The following ADAMTS7 variants were observed in gnomAD, a reference collection of about 807,000 sequenced individuals.
ADAMTS7 encodes the protein A disintegrin and metalloproteinase with thrombospondin motifs 7.
Under a neutral mutation model 172.6 loss-of-function variants are expected in ADAMTS7, and 89 were observed. That is an observed-to-expected ratio of 0.52 (90% CI 0.43 to 0.61). ADAMTS7 has a LOEUF of 0.61. Ranked by LOEUF, ADAMTS7 falls within the 20% of genes least tolerant of loss-of-function variation. The probability of loss-of-function intolerance (pLI) is 0.00; values close to 1 mark genes in which losing one functional copy is unlikely to be tolerated. For missense variants in ADAMTS7, 1,973 were observed against 2,355.6 expected (o/e 0.84, Z 3.36); for synonymous variants, 885 against 978.4 (o/e 0.90, Z 1.78).
intron 11 of ADAMTS7, 103 bp from the exon 12 acceptor site, chr15:78,774,896 T>C: frequency 7.2e-7 from 1 of 1,386,806 alleles, no homozygotes; most frequent in Admixed American, 2.5e-5. Flanking sequence ...CACCCCGAGA[T>C]CCCTGCTGCC....
rs2055651328 is a variant in ADAMTS7 at position 78,796,785 on chromosome 15, C to T, written c.624G>A (p.Val208=). The T allele has an allele frequency of 3.1e-6, 5 of 1,607,088 alleles. No homozygotes were observed. The highest frequency in any genetic ancestry group is 4.2e-6 in the Non-Finnish European group (5 of 1,178,700). The part of the protein sequence containing the change: ...SSAPSTCGVQ[V]YPELESRRER... ...CCCGTCGAGACTCCAGCTCTGGGTACACTGGAGGCCCAGATGGGGTGGAGT... is the reference window on the plus strand; with the variant it reads ...CCCGTCGAGACTCCAGCTCTGGGTATACTGGAGGCCCAGATGGGGTGGAGT... The change falls in exon 4 of 24, where the codon GTG becomes GTA. Residue 208 remains valine (V), a splice_region_variant and synonymous_variant. Coordinates refer to ENST00000388820, the MANE Select transcript of ADAMTS7 (RefSeq NM_014272.5).
At chr15:78,794,799 C>A (rs1234090199) in intron 4 of ADAMTS7, among the ~76,000 whole-genome samples, 1 of 152,196 alleles carries the variant, frequency 6.6e-6, no homozygotes, top group Non-Finnish European at 1.5e-5. Flanking sequence ...CTCACTGCAA[C>A]CTTCGCCTCC....
chr15:78,767,141 G>A (rs532278291), intron 18 of ADAMTS7, 90 bp from the exon 19 acceptor site: 11 of 1,377,528 alleles, frequency 8.0e-6, no homozygotes, highest in African/African-American at 2.9e-5. Flanking sequence ...TCCACTGCCC[G>A]ATGTCAGAGT....
chr15:78,772,776 C>T (rs374071042), intron 14 of ADAMTS7, among the ~76,000 whole-genome samples: 194 of 152,388 alleles, frequency 1.3e-3, no homozygotes, highest in Admixed American at 2.3e-3. Context: ...GGTGAGGACA[C>T]GGAGCTGGGG....
At chr15:78,763,665 C>G (rs1378405314) in intron 22 of ADAMTS7, 34 bp downstream of exon 22, 1 of 1,508,172 alleles carries the variant, frequency 6.6e-7, no homozygotes, top group African/African-American at 1.4e-5. Context: ...CCACCAAGCA[C>G]TTGCTCCCTG....
chr15:78,796,205 G>A (rs1213375436), intron 4 of ADAMTS7, among the ~76,000 whole-genome samples: 2 of 152,172 alleles, frequency 1.3e-5, no homozygotes, highest in Non-Finnish European at 2.9e-5. Flanking sequence ...AGGCATTTCT[G>A]TGTTTCCAGC....
Position 78,800,813 on chromosome 15 carries a change from G to T in ADAMTS7, c.101-266C>A, listed in dbSNP as rs535562649. On this transcript the variant is annotated intron_variant, in intron 1 of 23. Transcript: ENST00000388820. ...TGTTTTGAGACAGTCTCGCTCTGTC[G>T]CCCAGGCTGGAGTGCGTGGCGCGAT... Among the ~76,000 whole-genome samples the T allele has an allele frequency of 4.4e-4, 67 of 152,204 alleles. No homozygotes were observed. The South Asian group carries it at 0.014, about 31-fold the overall frequency.
At chr15:78,781,328 C>T (rs1035929311) in intron 8 of ADAMTS7, among the ~76,000 whole-genome samples, 40 of 152,198 alleles carry the variant, frequency 2.6e-4, no homozygotes, top group African/African-American at 8.0e-4. Flanking sequence ...TCCCCACCTC[C>T]GCACACCCTC....
chr15:78,775,931 C>T (rs2055336369), intron 11 of ADAMTS7, among the ~76,000 whole-genome samples: 1 of 152,232 alleles, frequency 6.6e-6, no homozygotes, highest in African/African-American at 2.4e-5. Flanking sequence ...AGCTGCTTTG[C>T]CATGTGGCCT....
intron 1 of ADAMTS7, among the ~76,000 whole-genome samples, chr15:78,806,123 CACACAAA>C (rs1393974238): frequency 2.5e-4 from 5 of 20,120 alleles, no homozygotes; most frequent in African/African-American, 7.0e-4. Flanking sequence ...CACACACACA[CACACAAA>C]AAAAAAAAAA....
chr15:78,763,384 A>G (rs910594813), intron 22 of ADAMTS7, among the ~76,000 whole-genome samples: 3 of 152,128 alleles, frequency 2.0e-5, no homozygotes, highest in African/African-American at 7.2e-5. Context: ...GGCCCCCTCA[A>G]GCTCGTCATT....
intron 3 of ADAMTS7, 60 bp from the exon 4 acceptor site, chr15:78,796,846 C>T: frequency 6.8e-7 from 1 of 1,460,952 alleles, no homozygotes; most frequent in East Asian, 2.4e-5. Flanking sequence ...CACACGTCTC[C>T]AGGGCCTCTC....
chr15:78,791,282 G>GGCCCCGGGGGCCCCCCCCCCCC, intron 4 of ADAMTS7, 59 bp from the exon 5 acceptor site: 1 of 1,488,264 alleles, frequency 6.7e-7, no homozygotes, highest in East Asian at 2.3e-5. Context: ...AGCAGCCAAT[G>GGCCCCGGGGGCCCCCCCCCCCC]CCCACCCCAA....
At chr15:78,804,564 T>C (rs569684615) in intron 1 of ADAMTS7, among the ~76,000 whole-genome samples, 1 of 152,338 alleles carries the variant, frequency 6.6e-6, no homozygotes, top group African/African-American at 2.4e-5. Context: ...CCCAGCAGGC[T>C]GCGGAAACCA....
intron 8 of ADAMTS7, among the ~76,000 whole-genome samples, chr15:78,785,815 A>G (rs1049207794): frequency 1.3e-5 from 2 of 152,216 alleles, no homozygotes; most frequent in African/African-American, 4.8e-5. Context: ...ATAGGAAAGT[A>G]AATACAAGAA....
At chr15:78,761,364 A>G (rs775235330) in intron 23 of ADAMTS7, among the ~76,000 whole-genome samples, 6 of 152,336 alleles carry the variant, frequency 3.9e-5, no homozygotes, top group Non-Finnish European at 7.4e-5. Flanking sequence ...AGCCAATAGC[A>G]CAGGGGACAC....
At position 78,777,388 on chromosome 15, in the gene ADAMTS7, C is replaced by A; in HGVS notation, c.1467+56G>T. The A allele has an allele frequency of 5.7e-6, 9 of 1,574,516 alleles. No homozygotes were observed. The South Asian group carries it at 1.0e-4, about 18-fold the overall frequency. On this transcript the variant is annotated intron_variant, in intron 9 of 23. Coordinates refer to ENST00000388820, the MANE Select transcript of ADAMTS7 (RefSeq NM_014272.5). ...CATCCACGGGCTGGTGAGAGCTGCCCCCTGAGCCCTCCTGCCGGGTCCCCA... is the reference window on the plus strand; with the variant it reads ...CATCCACGGGCTGGTGAGAGCTGCCACCTGAGCCCTCCTGCCGGGTCCCCA...
In ADAMTS7 at chr15:78,771,895, C is replaced by G. The variant is rs1345298798; in HGVS notation, c.2132-66G>C. ...GAGGGTTGCTTATCCCCACCCGCTC[C>G]CCTCATGTCTCTCCCCACTTGCCTC... On this transcript the variant is annotated intron_variant, in intron 14 of 23. Transcript: ENST00000388820. This position sits in a 1 kb window ranked among gnomAD's most constrained non-coding sequence, Gnocchi z 4.9. 6.4e-7 allele frequency: 1 copy of G among 1,558,850 alleles called. No individual in the cohort carries two copies. Among genetic ancestry groups the G allele is most frequent in the Non-Finnish European group, 8.6e-7 (1 of 1,156,948 alleles).
chr15:78,789,695 C>T lies in ADAMTS7; in HGVS notation c.1172G>A (p.Gly391Glu), dbSNP rs1271298135. The stretch of plus-strand genomic sequence containing the variant: ...ATGGGGGCAGGCACAGTACCTGTGC[C>T]CGAGCTCGTGGGCTACAGTGAAGGC... ...PLAFTVAHEL[G>E]HSFGIQHDGS... The change falls in exon 7 of 24, where the codon GGG (glycine) becomes GAG (glutamate). Residue 391 changes from glycine to glutamate, a missense_variant. Transcript: ENST00000388820. 6.2e-7 allele frequency: 1 copy of T among 1,613,740 alleles called. No individual in the cohort carries two copies. The highest frequency in any genetic ancestry group is 2.2e-5 in the East Asian group (1 of 44,884).
Sources: allele counts gnomAD v4.1 joint callset (sites outside exome capture counted in the v4.1 genomes callset), GRCh38; gene constraint gnomAD v4.1.1; non-coding constraint Gnocchi (gnomAD v3.1); transcripts MANE v1.5; gene names NCBI Gene and HGNC (gene_info 2026-07-23, HGNC 2026-07-21).